The following THRB variants were observed in gnomAD, a reference collection of about 807,000 sequenced individuals.
THRB encodes the protein thyroid hormone receptor beta.
Under a neutral mutation model 47.8 loss-of-function variants are expected in THRB, and 12 were observed. The ratio of observed to expected loss-of-function variants is 0.25; its 90% CI spans 0.16 to 0.41. The LOEUF is 0.41. Ranked by LOEUF, THRB falls within the 10% of genes least tolerant of loss-of-function variation. The pLI is 1.00. For synonymous variants in THRB, 218 were observed against 212.2 expected (o/e 1.03, Z -0.24); for missense variants, 348 against 589.2 (o/e 0.59, Z 4.24).
chr3:24,207,276 G>A (rs6776975), intron 4 of THRB, among the ~76,000 whole-genome samples: 205 of 152,198 alleles, frequency 1.3e-3, no homozygotes, highest in East Asian at 3.7e-3. Flanking sequence ...ATCCAGCAGC[G>A]CATCAAAAAG....
At chr3:24,467,088 G>C (rs62228850) in intron 1 of THRB, among the ~76,000 whole-genome samples, 4,564 of 152,238 alleles carry the variant, frequency 0.03, 96 homozygotes, top group South Asian at 0.057. Context: ...TAAATCCTTT[G>C]TTGTCACTTC....
intron 1 of THRB, among the ~76,000 whole-genome samples, chr3:24,357,288 AG>A (rs1398584677): frequency 7.1e-6 from 1 of 140,802 alleles, no homozygotes; most frequent in Non-Finnish European, 1.5e-5. Context: ...TCAAGCAGAA[AG>A]GTAAAGTGAC....
At chr3:24,331,680 GGTGT>G (rs35142390) in intron 2 of THRB, among the ~76,000 whole-genome samples, 3 of 150,078 alleles carry the variant, frequency 2.0e-5, no homozygotes, top group African/African-American at 4.9e-5. Flanking sequence ...CTCCGTGTAT[GGTGT>G]GTGTGTGTGT....
chr3:24,446,319 C>A (rs1046481194), intron 1 of THRB, among the ~76,000 whole-genome samples: 4 of 152,128 alleles, frequency 2.6e-5, no homozygotes, highest in African/African-American at 9.7e-5. Flanking sequence ...ATCTCTCTAT[C>A]AAACCTGGCT....
chr3:24,298,236 C>T (rs960970186), intron 2 of THRB, among the ~76,000 whole-genome samples: 1 of 152,088 alleles, frequency 6.6e-6, no homozygotes, highest in South Asian at 2.1e-4. Flanking sequence ...AAAGTGAGTG[C>T]CTTGAGAAAG....
chr3:24,152,588 G>T (rs1575437771), intron 5 of THRB, 98 bp from the exon 6 acceptor site: 6 of 730,302 alleles, frequency 8.2e-6, no homozygotes, highest in Middle Eastern at 3.6e-4. Flanking sequence ...AAATTGGCTT[G>T]CCAGGAAGAG....
At chr3:24,277,183 G>A (rs1003766897) in intron 3 of THRB, among the ~76,000 whole-genome samples, 2 of 152,118 alleles carry the variant, frequency 1.3e-5, no homozygotes, top group African/African-American at 2.4e-5. Context: ...GAGCAATTTT[G>A]CACCTTCCAT....
At chr3:24,480,157 A>C (rs1696149230) in intron 1 of THRB, among the ~76,000 whole-genome samples, 2 of 152,132 alleles carry the variant, frequency 1.3e-5, no homozygotes, top group South Asian at 4.2e-4. Context: ...CCTCCCCCCT[A>C]AAAATCACTT....
At chr3:24,217,138 CTACT>C (rs1303362531) in intron 4 of THRB, among the ~76,000 whole-genome samples, 1 of 149,988 alleles carries the variant, frequency 6.7e-6, no homozygotes, top group African/African-American at 2.4e-5. Context: ...GAATGTAATC[CTACT>C]TAGAGTTGAG....
At chr3:24,184,135 A>C (rs2149505169) in intron 5 of THRB, among the ~76,000 whole-genome samples, 1 of 152,314 alleles carries the variant, frequency 6.6e-6, no homozygotes, top group South Asian at 2.1e-4. Context: ...TACTTTCAAT[A>C]AGTATTCCTA....
chr3:24,248,456 A>G (rs984518452), intron 3 of THRB, among the ~76,000 whole-genome samples: 3 of 151,664 alleles, frequency 2.0e-5, no homozygotes, highest in Non-Finnish European at 4.4e-5. Flanking sequence ...CATTTATAAA[A>G]CTACTGAGTT....
intron 5 of THRB, among the ~76,000 whole-genome samples, chr3:24,175,890 T>TG (rs879880674): frequency 6.4e-3 from 970 of 152,292 alleles, no homozygotes; most frequent in South Asian, 0.059. Flanking sequence ...CTGTACATAA[T>TG]TACAAAGGGA....
intron 1 of THRB, among the ~76,000 whole-genome samples, chr3:24,349,618 G>A (rs2063239465): frequency 6.6e-6 from 1 of 152,094 alleles, no homozygotes; most frequent in South Asian, 2.1e-4. Flanking sequence ...TGAATAAATG[G>A]TGGTAGGTTA....
intron 3 of THRB, among the ~76,000 whole-genome samples, chr3:24,229,294 C>T (rs1030202881): frequency 1.3e-5 from 2 of 152,170 alleles, no homozygotes; most frequent in Non-Finnish European, 2.9e-5. Context: ...CACAGATTTG[C>T]TGTTTATCCC....
chr3:24,401,237 G>T, intron 1 of THRB, among the ~76,000 whole-genome samples: 1 of 152,050 alleles, frequency 6.6e-6, no homozygotes, highest in Admixed American at 6.6e-5. Context: ...GATAACATGT[G>T]AGGCTATAAA....
intron 4 of THRB, among the ~76,000 whole-genome samples, chr3:24,209,790 T>C (rs994544745): frequency 1.3e-5 from 2 of 152,086 alleles, no homozygotes; most frequent in Admixed American, 1.3e-4. Flanking sequence ...AAACTGCACA[T>C]TGTGCACATG....
intron 5 of THRB, among the ~76,000 whole-genome samples, chr3:24,185,130 T>G (rs1489565442): frequency 6.6e-6 from 1 of 152,234 alleles, no homozygotes; most frequent in African/African-American, 2.4e-5. Context: ...AAGATATTGT[T>G]TAAAAAATTA....
chr3:24,328,931 C>T (rs905841119), intron 2 of THRB, among the ~76,000 whole-genome samples: 1 of 152,122 alleles, frequency 6.6e-6, no homozygotes, highest in Non-Finnish European at 1.5e-5. Context: ...CCTGTCCTGC[C>T]AGCATGAATG....
chr3:24,389,168 G>C (rs1405008664), intron 1 of THRB, among the ~76,000 whole-genome samples: 2 of 152,142 alleles, frequency 1.3e-5, no homozygotes, highest in African/African-American at 4.8e-5. Flanking sequence ...GATGAATACA[G>C]ATTTTTGGAG....
Sources: gnomAD v4.1 joint callset for allele counts (sites outside exome capture counted in the v4.1 genomes callset) on GRCh38, gnomAD v4.1.1 for gene constraint, MANE v1.5 for transcripts, NCBI Gene and HGNC (gene_info 2026-07-23, HGNC 2026-07-21) for gene names.